IGF2R: variants seen among roughly 807,000 people sequenced by gnomAD.
The protein encoded by IGF2R is cation-independent mannose-6-phosphate receptor.
A neutral mutation model predicts 270.6 loss-of-function variants in IGF2R; 91 were observed. The ratio of observed to expected loss-of-function variants is 0.34; its 90% CI spans 0.28 to 0.40. The LOEUF is 0.40. IGF2R is among the 10% of genes least tolerant of loss of function. The pLI is 1.00. For missense variants in IGF2R, 2,805 were observed against 3,188.3 expected (o/e 0.88, Z 2.90); for synonymous variants, 1,316 against 1,258.9 (o/e 1.05, Z -0.96).
chr6:160,039,904 C>T (rs1299601365), intron 10 of IGF2R, among the ~76,000 whole-genome samples: 2 of 152,126 alleles, frequency 1.3e-5, no homozygotes, highest in African/African-American at 4.8e-5. Context: ...GTGGCTCACT[C>T]TTGGTGGAAG....
Position 160,071,928 on chromosome 6 carries a change from A to G in IGF2R, c.4462A>G (p.Ile1488Val), listed in dbSNP as rs781763134. ...GTTGTAGAACTCCAGGCCCATGTTC[A>G]TCAGCGCCGTGGAGGACTGTGAGTA... Reference protein sequence around the residue: ...ESQVNSRPMFISAVEDCEYTF... With the variant: ...ESQVNSRPMFVSAVEDCEYTF... The change falls in exon 32 of 48, where the codon ATC (isoleucine) becomes GTC (valine). Residue 1488 changes from isoleucine to valine, a missense_variant. Transcript: ENST00000356956. 22 of 1,614,056 alleles carry G rather than the reference A, an allele frequency of 1.4e-5. No individual in the cohort carries two copies. In the South Asian group the frequency reaches 2.2e-4, roughly 16 times the overall value.
Position 160,058,981 on chromosome 6 carries a change from C to T in IGF2R, c.2974C>T (p.Gln992Ter). Residue 992 changes from glutamine (Q) to a stop codon, truncating the protein, a stop_gained, in exon 22 of 48, where the codon CAA (glutamine) becomes TAA (stop). Coordinates refer to ENST00000356956, the MANE Select transcript of IGF2R (RefSeq NM_000876.4). LOFTEE classifies it high-confidence loss of function. ...TGCTTCTGGCTGTGAGGCAGAAACC[C>T]AAACTGAAGAGCTCAAGAATTGGAA... The part of the protein sequence containing the change: ...KPASGCEAET[Q>*]TEELKNWKPA... The T allele has an allele frequency of 6.2e-7, 1 of 1,614,202 alleles. No homozygotes were observed. The highest frequency in any genetic ancestry group is 2.2e-5 in the East Asian group (1 of 44,890).
In IGF2R at chr6:160,102,690, G is replaced by A. The variant is rs1479131228; in HGVS notation, c.6995+19G>A. On this transcript the variant is annotated intron_variant, in intron 46 of 47. Transcript: ENST00000356956. This position sits in a 1 kb window ranked among gnomAD's most constrained non-coding sequence, Gnocchi z 4.5. ...AGAGGAGGTAAGCGGGTGGCAGGGC[G>A]AGGTGGGGCGGGTGGATGCATGCCT... 6.3e-6 allele frequency: 10 copies of A among 1,574,828 alleles called. No individual in the cohort carries two copies. Among genetic ancestry groups the A allele is most frequent in the East Asian group, 2.3e-5 (1 of 42,978 alleles).
At chr6:160,080,304 T>C in intron 39 of IGF2R, 29 bp downstream of exon 39, 1 of 1,606,862 alleles carries the variant, frequency 6.2e-7, no homozygotes, top group Non-Finnish European at 8.5e-7. Context: ...CGTCCCCACA[T>C]GGCCTGGGGC....
At chr6:159,994,866 G>A (rs1010145109) in intron 2 of IGF2R, among the ~76,000 whole-genome samples, 1 of 152,120 alleles carries the variant, frequency 6.6e-6, no homozygotes, top group African/African-American at 2.4e-5. Context: ...CCTAACATAT[G>A]GTCTACCCTG....
Position 160,004,447 on chromosome 6 carries a change from C to G in IGF2R, c.290-4563C>G, listed in dbSNP as rs551752001. ...TGGTGCAGCCTGGCATGGTGGTACC[C>G]TTGAGAGCGTGGCCTAGAGGGCTCC... On this transcript the variant is annotated intron_variant, in intron 2 of 47. Coordinates refer to ENST00000356956, the MANE Select transcript of IGF2R (RefSeq NM_000876.4). The surrounding 1 kb of genome is among the most constrained non-coding windows in gnomAD (Gnocchi z 5.2). 6.5e-6 allele frequency: 1 copy of G among 152,850 alleles called. No homozygotes were observed. Among genetic ancestry groups the G allele is most frequent in the South Asian group, 2.1e-4 (1 of 4,838 alleles). 9.5% of individuals were successfully genotyped at this position (152,850 alleles called of 1,614,324 possible).
In IGF2R at chr6:160,050,392, T is replaced by G; in HGVS notation, c.2515-81T>G. ...TCAATAATTCATTGTTTGCTGCAGCTTTATAGAATGTAACCACCACCAATA... is the reference window on the plus strand; with the variant it reads ...TCAATAATTCATTGTTTGCTGCAGCGTTATAGAATGTAACCACCACCAATA... On this transcript the variant is annotated intron_variant, in intron 18 of 47. Coordinates refer to ENST00000356956, the MANE Select transcript of IGF2R (RefSeq NM_000876.4). The surrounding 1 kb of genome is among the most constrained non-coding windows in gnomAD (Gnocchi z 4.0). 1 of 1,359,864 alleles carries G rather than the reference T, an allele frequency of 7.4e-7. No individual in the cohort carries two copies. The highest frequency in any genetic ancestry group is 1.0e-6 in the Non-Finnish European group (1 of 979,342). 84.2% of individuals were successfully genotyped at this position (1,359,864 alleles called of 1,614,324 possible). A position where few individuals can be genotyped will look rare whatever the true frequency, so the allele number is the denominator to read the frequency against.
In IGF2R at chr6:160,033,092, A is replaced by G. The variant is rs758751597; in HGVS notation, c.1196A>G (p.His399Arg). 1.2e-6 allele frequency: 2 copies of G among 1,612,748 alleles called. No homozygotes were observed. Among genetic ancestry groups the G allele is most frequent in the Non-Finnish European group, 8.5e-7 (1 of 1,179,060 alleles). The change falls in exon 9 of 48, where the codon CAC (histidine) becomes CGC (arginine). Residue 399 changes from histidine (H) to arginine (R), a missense_variant. Coordinates refer to ENST00000356956, the MANE Select transcript of IGF2R (RefSeq NM_000876.4). ...TSQVKAAGRYHNQTLRYSDGD... is the reference protein window; with the variant it reads ...TSQVKAAGRYRNQTLRYSDGD... The stretch of plus-strand genomic sequence containing the variant: ...CAAGTCAAAGCAGCAGGAAGATACC[A>G]CAATCAGACCCTCCGGTACGTCAAC...
chr6:159,988,159 A>G (rs886652235), intron 1 of IGF2R, among the ~76,000 whole-genome samples: 3 of 152,078 alleles, frequency 2.0e-5, no homozygotes, highest in African/African-American at 7.2e-5. Flanking sequence ...CTGCTCCCCA[A>G]GCAAACACAC....
intron 25 of IGF2R, among the ~76,000 whole-genome samples, 194 bp downstream of exon 25, chr6:160,062,122 C>T (rs1191890768): frequency 1.3e-5 from 2 of 151,096 alleles, no homozygotes; most frequent in Non-Finnish European, 2.9e-5. Context: ...GTAGTTTGCA[C>T]ATGGAGGTCA....
chr6:160,031,980 G>A (rs1480276256), intron 7 of IGF2R, among the ~76,000 whole-genome samples: 3 of 152,292 alleles, frequency 2.0e-5, no homozygotes, highest in African/African-American at 4.8e-5. Flanking sequence ...TGGCAGAATC[G>A]GGTTTGTGTC....
chr6:160,079,684 C>T lies in IGF2R; in HGVS notation c.5583C>T (p.Thr1861=), dbSNP rs764684207. The part of the protein sequence containing the change: ...KDGGVCLLSG[T]KGASFGRLQS... ...GAGGAGTCTGTCTGCTCTCAGGCAC[C>T]AAGGGGGCATCCTTTGGACGGCTGC... The change falls in exon 38 of 48, where the codon ACC becomes ACT. Residue 1861 remains threonine (T), a synonymous_variant. Transcript: ENST00000356956. 20 of 1,549,190 alleles carry T rather than the reference C, an allele frequency of 1.3e-5. No homozygotes were observed. Among genetic ancestry groups the T allele is most frequent in the Admixed American group, 4.2e-5 (2 of 48,106 alleles).
chr6:160,050,671 C>T lies in IGF2R; in HGVS notation c.2694+19C>T. On this transcript the variant is annotated intron_variant, in intron 19 of 47. Coordinates refer to ENST00000356956, the MANE Select transcript of IGF2R (RefSeq NM_000876.4). The surrounding 1 kb of genome is among the most constrained non-coding windows in gnomAD (Gnocchi z 4.0). ...CAGGCTGGTAAGGCACTGCTGCTGG[C>T]TGGTGACCTTCACTGCTGCATTTTT... 1.3e-6 allele frequency: 2 copies of T among 1,582,448 alleles called. No homozygotes were observed. The highest frequency in any genetic ancestry group is 8.6e-7 in the Non-Finnish European group (1 of 1,157,984).
At chr6:159,970,646 C>A (rs1055273036) in intron 1 of IGF2R, among the ~76,000 whole-genome samples, 1 of 152,164 alleles carries the variant, frequency 6.6e-6, no homozygotes, top group East Asian at 1.9e-4. Flanking sequence ...GTTTAAAGAC[C>A]AGTTAGCTAC....
At chr6:160,044,775 C>A (rs1259111172) in intron 13 of IGF2R, 118 bp downstream of exon 13, 1 of 829,320 alleles carries the variant, frequency 1.2e-6, no homozygotes, top group Admixed American at 3.1e-5. Flanking sequence ...GCATGGTGTT[C>A]AGCATTTTGA....
intron 1 of IGF2R, among the ~76,000 whole-genome samples, chr6:159,984,123 G>A (rs1431191090): frequency 6.6e-6 from 1 of 152,178 alleles, no homozygotes; most frequent in East Asian, 1.9e-4. Flanking sequence ...CCTCAGATGG[G>A]TTCAACCATT....
intron 29 of IGF2R, among the ~76,000 whole-genome samples, chr6:160,066,701 G>A (rs1313086342): frequency 6.6e-6 from 1 of 151,888 alleles, no homozygotes; most frequent in Non-Finnish European, 1.5e-5. Flanking sequence ...GCTTCTAATG[G>A]TGTCTGTTGA....
intron 26 of IGF2R, 100 bp from the exon 27 acceptor site, chr6:160,063,315 G>A (rs754185939): frequency 6.7e-6 from 6 of 890,192 alleles, no homozygotes; most frequent in Non-Finnish European, 1.1e-5. Context: ...GGGATTACAG[G>A]CGTGAGCCAC....
intron 5 of IGF2R, among the ~76,000 whole-genome samples, chr6:160,025,044 G>A (rs1777529648): frequency 6.6e-6 from 1 of 152,046 alleles, no homozygotes. Context: ...TCTGAGTTAC[G>A]GGCTGGGTGA....
Sources: gnomAD v4.1 joint callset for allele counts (sites outside exome capture counted in the v4.1 genomes callset) on GRCh38, gnomAD v4.1.1 for gene constraint, Gnocchi (gnomAD v3.1) non-coding constraint, MANE v1.5 for transcripts, NCBI Gene and HGNC (gene_info 2026-07-23, HGNC 2026-07-21) for gene names.